The following DNAI4 variants were observed in gnomAD, a reference collection of about 807,000 sequenced individuals.
The protein encoded by DNAI4 is WD repeat domain 78.
In DNAI4, 85 loss-of-function variants were observed where a neutral mutation model predicts 105.8. The ratio of observed to expected loss-of-function variants is 0.80; its 90% confidence interval spans 0.67 to 0.96. The LOEUF is 0.96. Ranked by LOEUF, DNAI4 falls within the 40% of genes least tolerant of loss-of-function variation. DNAI4 has a pLI of 0.00. For missense variants in DNAI4, 1,014 were observed against 1,005.6 expected (o/e 1.01, Z -0.11); for synonymous variants, 352 against 331.5 (o/e 1.06, Z -0.67).
chr1:66,899,720 A>T (rs1333318413), intron 2 of DNAI4, among the ~76,000 whole-genome samples: 6 of 152,186 alleles, frequency 3.9e-5, no homozygotes, highest in African/African-American at 1.2e-4. Flanking sequence ...TGTCTTTAAT[A>T]AATTTTGAAT....
chr1:66,858,532 C>CAAAAAAAAA (rs3033717), intron 7 of DNAI4, among the ~76,000 whole-genome samples: 6,437 of 61,512 alleles, frequency 0.1, 438 homozygotes, highest in East Asian at 0.29. Context: ...GACTCCGTCT[C>CAAAAAAAAA]AAAAAAAAAA....
chr1:66,858,126 G>T (rs1447229917), intron 7 of DNAI4, among the ~76,000 whole-genome samples: 2 of 152,074 alleles, frequency 1.3e-5, no homozygotes, highest in Admixed American at 6.5e-5. Flanking sequence ...AATAGGTGAA[G>T]AGAAAATACT....
At chr1:66,898,305 G>A (rs560579010) in intron 2 of DNAI4, among the ~76,000 whole-genome samples, 10 of 152,228 alleles carry the variant, frequency 6.6e-5, no homozygotes, top group South Asian at 4.1e-4. Flanking sequence ...GAGTTAAGGC[G>A]TTGGGGCTAC....
intron 9 of DNAI4, among the ~76,000 whole-genome samples, 183 bp from the exon 10 acceptor site, chr1:66,837,979 T>G (rs1646067095): frequency 1.3e-5 from 2 of 152,272 alleles, no homozygotes; most frequent in African/African-American, 4.8e-5. Flanking sequence ...AGCAAAAAAG[T>G]TAATGAGTAT....
At chr1:66,871,022 A>G (rs1646835020) in intron 6 of DNAI4, 2 of 213,928 alleles carry the variant, frequency 9.3e-6, no homozygotes, top group East Asian at 1.0e-4. Flanking sequence ...CAGTTAATAC[A>G]TGTGAAGGAC....
At chr1:66,830,153 A>T (rs761303802) in intron 13 of DNAI4, among the ~76,000 whole-genome samples, 11 of 152,144 alleles carry the variant, frequency 7.2e-5, no homozygotes, top group Non-Finnish European at 1.5e-4. Flanking sequence ...CTAAAAAATT[A>T]GAAAAACAAG....
intron 7 of DNAI4, among the ~76,000 whole-genome samples, chr1:66,858,196 T>A (rs919680981): frequency 6.6e-6 from 1 of 151,918 alleles, no homozygotes; most frequent in South Asian, 2.1e-4. Flanking sequence ...GAAGACATTA[T>A]AAGAAAGGAA....
chr1:66,843,210 A>AG (rs1228073994), intron 8 of DNAI4, among the ~76,000 whole-genome samples: 8 of 101,754 alleles, frequency 7.9e-5, no homozygotes, highest in Admixed American at 4.0e-4. Flanking sequence ...AAAAAAAAAA[A>AG]AAGGTGGGGG....
rs1646930143 is a variant in DNAI4, at chr1:66,874,922, C to T, written c.659G>A (p.Arg220Lys). 3 of 1,594,622 alleles carry T rather than the reference C, an allele frequency of 1.9e-6. No homozygotes were observed. The highest frequency in any genetic ancestry group is 2.6e-6 in the Non-Finnish European group (3 of 1,175,146). ...TGTTACAATTTTTTCAGGTGCTGCC[C>T]TTATAACTTGCAAATCTAAAATACA... is the stretch of plus-strand genomic sequence containing the variant. ...LTSFTDLQVI[R>K]AAPEKIVTKE... The change falls in exon 5 of 17, where the codon AGG (arginine) becomes AAG (lysine). Residue 220 changes from arginine to lysine, a missense_variant. Coordinates refer to ENST00000371026, the MANE Select transcript of DNAI4 (RefSeq NM_024763.5).
chr1:66,837,796 C>A lies in DNAI4; in HGVS notation c.1495G>T (p.Asp499Tyr). The A allele has an allele frequency of 1.3e-6, 2 of 1,595,526 alleles. No individual in the cohort carries two copies. The highest frequency in any genetic ancestry group is 1.8e-5 in the Admixed American group (1 of 55,342). The change falls in exon 10 of 17, where the codon GAT becomes TAT. Residue 499 changes from aspartate (D) to tyrosine (Y), a missense_variant and splice_region_variant. By Grantham distance (160) the Asp-to-Tyr change is radical (BLOSUM62 -3). Coordinates refer to ENST00000371026, the MANE Select transcript of DNAI4 (RefSeq NM_024763.5). ...TGCCCATAGCCAACAGCCAAAAGAT[C>A]CTGAAAACCAGAAAAATACATTTAA... is the stretch of plus-strand genomic sequence containing the variant. Reference protein sequence around the residue: ...SSLAWNKTNPDLLAVGYGHFG... With the variant: ...SSLAWNKTNPYLLAVGYGHFG...
rs760228696 is a variant in DNAI4, at chr1:66,924,803, G to C, written c.29C>G (p.Ser10Trp). The change falls in exon 1 of 17, where the codon TCG becomes TGG. Residue 10 changes from serine (S) to tryptophan (W), a missense_variant. Transcript: ENST00000371026. ...AGCTCCTCCGTTAGCGGCTCGGGCC[G>C]AGGCTCCGGAATGTTTGCCGGGCGT... MTPGKHSGA[S>W]ARAANGGAWG... The C allele has an allele frequency of 5.6e-6, 9 of 1,613,950 alleles. No individual in the cohort carries two copies. In the African/African-American group the frequency reaches 6.7e-5, roughly 12 times the overall value.
intron 16 of DNAI4, among the ~76,000 whole-genome samples, chr1:66,821,091 C>CTTTTTTTTTTTTTTTTTTTTTTTTTTT (rs55811909): frequency 2.5e-5 from 2 of 80,326 alleles, no homozygotes; most frequent in African/African-American, 5.1e-5. Flanking sequence ...AAACATTTCT[C>CTTTTTTTTTTTTTTTTTTTTTTTTTTT]TTTTTTTTTT....
At chr1:66,829,905 C>A (rs1645831425) in intron 13 of DNAI4, among the ~76,000 whole-genome samples, 1 of 151,962 alleles carries the variant, frequency 6.6e-6, no homozygotes, top group Non-Finnish European at 1.5e-5. Flanking sequence ...AAATTGGTAA[C>A]AGAAAGAACT....
intron 10 of DNAI4, among the ~76,000 whole-genome samples, chr1:66,837,115 C>G (rs1557909818): frequency 6.6e-6 from 1 of 151,990 alleles, no homozygotes; most frequent in African/African-American, 2.4e-5. Flanking sequence ...CCCGTAATCC[C>G]AGCACTTTGG....
rs756943053 is a variant in DNAI4 at position 66,833,993 on chromosome 1, T to C, written c.1889A>G (p.Tyr630Cys). ...ATATAACTTGATTTTTCTTTTACCATAACAGTCTAGTCCTTTTCGTATAAC... is the reference window on the plus strand; with the variant it reads ...ATATAACTTGATTTTTCTTTTACCACAACAGTCTAGTCCTTTTCGTATAAC... ...KWVIRKGLDC[Y>C]DLMRLKRTTA... The change falls in exon 12 of 17, where the codon TAT (tyrosine) becomes TGT (cysteine). Residue 630 changes from tyrosine to cysteine, a missense_variant and splice_region_variant. Coordinates refer to ENST00000371026, the MANE Select transcript of DNAI4 (RefSeq NM_024763.5). The C allele has an allele frequency of 5.7e-6, 9 of 1,586,828 alleles. No individual in the cohort carries two copies. Among genetic ancestry groups the C allele is most frequent in the Non-Finnish European group, 6.0e-6 (7 of 1,172,784 alleles).
At chr1:66,822,247 T>C (rs961597553) in intron 16 of DNAI4, 114 bp downstream of exon 16, 43 of 1,004,572 alleles carry the variant, frequency 4.3e-5, no homozygotes, top group Non-Finnish European at 5.7e-5. Context: ...GAATTTATGT[T>C]CTTTTATTAT....
At chr1:66,821,966 C>T (rs184524093) in intron 16 of DNAI4, among the ~76,000 whole-genome samples, 7 of 152,028 alleles carry the variant, frequency 4.6e-5, no homozygotes, top group African/African-American at 9.6e-5. Flanking sequence ...GAAATAAATG[C>T]CCATTTCAGG....
chr1:66,833,673 C>G lies in DNAI4; in HGVS notation c.1925G>C (p.Ser642Thr). Residue 642 changes from serine to threonine, a missense_variant, in exon 13 of 17, where the codon AGT (serine) becomes ACT (threonine). Ser to Thr is a moderately conservative substitution (Grantham distance 58, BLOSUM62 1). Coordinates refer to ENST00000371026, the MANE Select transcript of DNAI4 (RefSeq NM_024763.5). The stretch of plus-strand genomic sequence containing the variant: ...TTCCTTTTCCCCTCCTTTTTTGTTA[C>G]TGGCAGCTGTAGTTCTCTTTAATCG... ...LMRLKRTTAASNKKGGEKEKK... is the reference protein window; with the variant it reads ...LMRLKRTTAATNKKGGEKEKK... The G allele has an allele frequency of 6.2e-7, 1 of 1,613,200 alleles. No homozygotes were observed. The highest frequency in any genetic ancestry group is 8.5e-7 in the Non-Finnish European group (1 of 1,179,508).
At chr1:66,893,075 AAGAAAG>A (rs1252555082) in intron 3 of DNAI4, among the ~76,000 whole-genome samples, 148 bp downstream of exon 3, 2 of 141,764 alleles carry the variant, frequency 1.4e-5, no homozygotes, top group African/African-American at 2.9e-5. Context: ...GAAAGAAAGA[AAGAAAG>A]AAAGAAAGAA....
Sources: allele counts gnomAD v4.1 joint callset (sites outside exome capture counted in the v4.1 genomes callset), GRCh38; gene constraint gnomAD v4.1.1; transcripts MANE v1.5; gene names NCBI Gene and HGNC (gene_info 2026-07-23, HGNC 2026-07-21).